GALNT10: variants seen among roughly 807,000 people sequenced by gnomAD.
GALNT10 encodes polypeptide N-acetylgalactosaminyltransferase 10.
In GALNT10, 41 loss-of-function variants were observed where a neutral mutation model predicts 75.0. The observed-to-expected ratio is 0.55, with a 90% CI of 0.43 to 0.71. GALNT10 has a LOEUF of 0.71. GALNT10 is among the 30% of genes least tolerant of loss of function. The probability of loss-of-function intolerance (pLI) is 0.00; values close to 1 mark genes in which losing one functional copy is unlikely to be tolerated. For synonymous variants in GALNT10, 302 were observed against 313.0 expected (o/e 0.96, Z 0.37); for missense variants, 727 against 818.5 (o/e 0.89, Z 1.36).
intron 3 of GALNT10, among the ~76,000 whole-genome samples, chr5:154,300,507 C>T (rs539537907): frequency 6.6e-6 from 1 of 152,290 alleles, no homozygotes; most frequent in South Asian, 2.1e-4. Context: ...AAGCAATTCT[C>T]ACGTATAATG....
At chr5:154,341,549 A>C (rs930783339) in intron 4 of GALNT10, among the ~76,000 whole-genome samples, 30 of 152,176 alleles carry the variant, frequency 2.0e-4, no homozygotes, top group African/African-American at 6.8e-4. Flanking sequence ...TATGGTTTAG[A>C]ATATTCTAAA....
intron 3 of GALNT10, among the ~76,000 whole-genome samples, chr5:154,316,315 C>T (rs1754593025): frequency 6.6e-6 from 1 of 152,222 alleles, no homozygotes; most frequent in Admixed American, 6.5e-5. Context: ...GGAGCCAGGT[C>T]CACCTCCCAG....
intron 1 of GALNT10, among the ~76,000 whole-genome samples, chr5:154,281,871 C>T (rs2113055404): frequency 6.6e-6 from 1 of 152,278 alleles, no homozygotes; most frequent in Admixed American, 6.5e-5. Flanking sequence ...CCTCGTGGTC[C>T]ATCATGGTGG....
rs1756362097 is a variant in GALNT10, at chr5:154,409,937, A to G, written c.1386+175A>G. Among the ~76,000 whole-genome samples the G allele has an allele frequency of 6.6e-6, 1 of 152,136 alleles. No homozygotes were observed. The highest frequency in any genetic ancestry group is 1.5e-5 in the Non-Finnish European group (1 of 67,994). On this transcript the variant is annotated intron_variant, in intron 9 of 11. Coordinates refer to ENST00000297107, the MANE Select transcript of GALNT10 (RefSeq NM_198321.4). The surrounding 1 kb of genome is among the most constrained non-coding windows in gnomAD (Gnocchi z 4.5). ...TTGTCATGGTGTATTTTTACTTGTT[A>G]GTTAGTGTTCTCAGTGTAGAAAAAT... is the stretch of plus-strand genomic sequence containing the variant.
At chr5:154,217,716 A>T (rs1481909777) in intron 1 of GALNT10, among the ~76,000 whole-genome samples, 1 of 152,200 alleles carries the variant, frequency 6.6e-6, no homozygotes, top group African/African-American at 2.4e-5. Context: ...AGGTCAGCGC[A>T]GGCCCTGCAG....
rs779362416 is a variant in GALNT10, at chr5:154,414,009, AT to A, written c.1503+1005del. ...GCGGGCAGATACTTTACCAAAAAAA[AT>A]ATATGAATGGCAAATAAACATATTT... is the stretch of plus-strand genomic sequence containing the variant. On this transcript the variant is annotated intron_variant, in intron 10 of 11. Coordinates refer to ENST00000297107, the MANE Select transcript of GALNT10 (RefSeq NM_198321.4). 7.2e-5 allele frequency among the ~76,000 whole-genome samples: 11 copies of A among 152,124 alleles called. No homozygotes were observed. In the South Asian group the frequency reaches 1.2e-3, roughly 17 times the overall value.
intron 1 of GALNT10, among the ~76,000 whole-genome samples, chr5:154,193,592 G>A (rs1774894412): frequency 6.6e-6 from 1 of 152,314 alleles, no homozygotes; most frequent in Non-Finnish European, 1.5e-5. Flanking sequence ...AATCATCTTT[G>A]AGCATCTCGT....
chr5:154,342,493 T>C (rs1561666368), intron 4 of GALNT10, among the ~76,000 whole-genome samples: 1 of 152,212 alleles, frequency 6.6e-6, no homozygotes, highest in Non-Finnish European at 1.5e-5. Context: ...AGGGTGGGCC[T>C]CAGGAATCTA....
chr5:154,273,621 G>T (rs1276622293), intron 1 of GALNT10, among the ~76,000 whole-genome samples: 9 of 152,206 alleles, frequency 5.9e-5, no homozygotes, highest in African/African-American at 2.2e-4. Context: ...TACACAAGCA[G>T]TTGTTAATAG....
chr5:154,386,458 C>G, intron 7 of GALNT10, 28 bp downstream of exon 7: 5 of 1,376,018 alleles, frequency 3.6e-6, no homozygotes, highest in Non-Finnish European at 5.2e-6. Flanking sequence ...ACGCCCCGTT[C>G]TTGGCACAGC....
At chr5:154,281,785 T>C (rs1163174702) in intron 1 of GALNT10, among the ~76,000 whole-genome samples, 2 of 152,220 alleles carry the variant, frequency 1.3e-5, no homozygotes, top group African/African-American at 4.8e-5. Context: ...ACTAGTATCA[T>C]AGTTCTGCCC....
intron 3 of GALNT10, among the ~76,000 whole-genome samples, chr5:154,319,456 C>T (rs1754643655): frequency 6.6e-6 from 1 of 152,172 alleles, no homozygotes. Flanking sequence ...ATAAATACTA[C>T]CTGGATTTGA....
intron 1 of GALNT10, among the ~76,000 whole-genome samples, chr5:154,220,889 C>A (rs1262690518): frequency 6.6e-6 from 1 of 152,128 alleles, no homozygotes; most frequent in Non-Finnish European, 1.5e-5. Context: ...TCCAGCAAGG[C>A]CAGATCCTTC....
intron 10 of GALNT10, among the ~76,000 whole-genome samples, chr5:154,414,819 G>A (rs1426093839): frequency 6.6e-6 from 1 of 152,150 alleles, no homozygotes; most frequent in Non-Finnish European, 1.5e-5. Flanking sequence ...GACTAACTGT[G>A]AAAAGAAATT....
At position 154,417,956 on chromosome 5, in the gene GALNT10, G is replaced by T. The variant is rs997330069; in HGVS notation, c.*984G>T. 3.3e-5 allele frequency: 5 copies of T among 152,234 alleles called. No homozygotes were observed. The highest frequency in any genetic ancestry group is 1.2e-4 in the African/African-American group (5 of 41,448). 9.4% of individuals were successfully genotyped at this position (152,234 alleles called of 1,614,324 possible). A position where few individuals can be genotyped will look rare whatever the true frequency, so the allele number is the denominator to read the frequency against. On this transcript the variant is annotated 3_prime_UTR_variant, in exon 12 of 12. Transcript: ENST00000297107. ...GCCTCCAGGATCAACTGTGGGCAAA[G>T]TGCCTGCCTCTGACCTCATCATGGT... is the stretch of plus-strand genomic sequence containing the variant.
chr5:154,242,930 T>C (rs529122678), intron 1 of GALNT10, among the ~76,000 whole-genome samples: 2 of 152,384 alleles, frequency 1.3e-5, no homozygotes, highest in East Asian at 1.9e-4. Flanking sequence ...TATTTTGGCA[T>C]GTCTTTTGAT....
rs1754353880 is a variant in GALNT10, at chr5:154,301,336, T to A, written c.401+3257T>A. The stretch of plus-strand genomic sequence containing the variant: ...ATGGACACTCATCACTACTTTGAAA[T>A]GGAGGTAGTTTTTATAACTACCACT... On this transcript the variant is annotated intron_variant, in intron 3 of 11. Coordinates refer to ENST00000297107, the MANE Select transcript of GALNT10 (RefSeq NM_198321.4). Among the ~76,000 whole-genome samples, 3 of 152,166 alleles carry A rather than the reference T, an allele frequency of 2.0e-5. No homozygotes were observed. The South Asian group carries it at 6.2e-4, about 32-fold the overall frequency.
At chr5:154,241,489 A>G (rs1316789685) in intron 1 of GALNT10, among the ~76,000 whole-genome samples, 2 of 152,168 alleles carry the variant, frequency 1.3e-5, no homozygotes, top group African/African-American at 2.4e-5. Flanking sequence ...CATGCAATTT[A>G]TATATTTTTA....
At chr5:154,272,225 A>G (rs1280275593) in intron 1 of GALNT10, among the ~76,000 whole-genome samples, 1 of 152,204 alleles carries the variant, frequency 6.6e-6, no homozygotes, top group African/African-American at 2.4e-5. Flanking sequence ...CCAGGGGCAC[A>G]GGGAGGTCTG....
Sources: allele counts gnomAD v4.1 joint callset (sites outside exome capture counted in the v4.1 genomes callset), GRCh38; gene constraint gnomAD v4.1.1; non-coding constraint Gnocchi (gnomAD v3.1); transcripts MANE v1.5; gene names NCBI Gene and HGNC (gene_info 2026-07-23, HGNC 2026-07-21).